NF1: variants seen among roughly 807,000 people sequenced by gnomAD.
NF1 encodes the protein neurofibromin 1.
In NF1, 122 loss-of-function variants were observed where a neutral mutation model predicts 325.7. That is an observed-to-expected ratio of 0.37 (90% CI 0.32 to 0.44). The LOEUF (loss-of-function observed/expected upper bound fraction) is 0.44, where lower values mean the gene tolerates loss of function less well. NF1 is among the 20% of genes least tolerant of loss of function. The pLI is 1.00. For missense variants in NF1, 2,140 were observed against 3,415.4 expected (o/e 0.63, Z 9.31); for synonymous variants, 1,091 against 1,186.0 (o/e 0.92, Z 1.65).
At chr17:31,340,225 A>G (rs1267068732) in intron 46 of NF1, 1 of 446,790 alleles carries the variant, frequency 2.2e-6, no homozygotes, top group Non-Finnish European at 4.1e-6. Flanking sequence ...TACAAAAGAG[A>G]CTACTCTAGA....
intron 57 of NF1, chr17:31,367,343 T>A: frequency 9.2e-7 from 1 of 1,081,890 alleles, no homozygotes; most frequent in South Asian, 1.3e-5. Context: ...CCTGGGCACA[T>A]AGCATGAGAC....
chr17:31,295,003 A>G (rs1442793878), intron 36 of NF1: 3 of 1,613,966 alleles, frequency 1.9e-6, no homozygotes, highest in African/African-American at 2.7e-5. Flanking sequence ...CAGAAAATGC[A>G]GACCCTCAGA....
At chr17:31,292,442 G>A (rs2068362124) in intron 36 of NF1, among the ~76,000 whole-genome samples, 1 of 152,100 alleles carries the variant, frequency 6.6e-6, no homozygotes, top group Non-Finnish European at 1.5e-5. Context: ...GTATATCTGG[G>A]GGATTGGTTA....
At chr17:31,318,242 T>C (rs1051197422) in intron 36 of NF1, 30 of 1,532,554 alleles carry the variant, frequency 2.0e-5, no homozygotes, top group African/African-American at 2.8e-5. Context: ...TGGGATTAAA[T>C]ACCAACTGAC....
chr17:31,168,859 A>G (rs910474037), intron 4 of NF1, among the ~76,000 whole-genome samples: 124 of 152,214 alleles, frequency 8.1e-4, no homozygotes, highest in African/African-American at 2.8e-3. Context: ...TGGGGGCTGC[A>G]AAATGAAACG....
chr17:31,362,279 T>G (rs2070418054), intron 57 of NF1: 32 of 985,260 alleles, frequency 3.2e-5, no homozygotes, highest in Non-Finnish European at 3.6e-5. Context: ...AAATTTACTT[T>G]TTTTACAGAT....
At chr17:31,298,818 A>G (rs1188920387) in intron 36 of NF1, among the ~76,000 whole-genome samples, 1 of 152,108 alleles carries the variant, frequency 6.6e-6, no homozygotes, top group Non-Finnish European at 1.5e-5. Flanking sequence ...GCTCATATAT[A>G]CACTGCTGCA....
chr17:31,156,256 T>A, intron 2 of NF1, 130 bp downstream of exon 2: 2 of 1,133,126 alleles, frequency 1.8e-6, no homozygotes, highest in Non-Finnish European at 2.6e-6. Context: ...ATTAATCTTA[T>A]TTTGTTTACG....
chr17:31,270,520 G>A (rs1276901957), intron 36 of NF1, among the ~76,000 whole-genome samples: 1 of 152,074 alleles, frequency 6.6e-6, no homozygotes, highest in Non-Finnish European at 1.5e-5. Context: ...TGAGGTGGGA[G>A]GATCACTTGA....
At chr17:31,179,442 A>T (rs939069665) in intron 5 of NF1, among the ~76,000 whole-genome samples, 4 of 152,248 alleles carry the variant, frequency 2.6e-5, no homozygotes, top group Admixed American at 1.3e-4. Context: ...TAACATCACA[A>T]TTAAAAGAAC....
intron 57 of NF1, among the ~76,000 whole-genome samples, chr17:31,367,440 A>ACAGGAATTGCACGC (rs1195732662): frequency 6.6e-6 from 1 of 152,170 alleles, no homozygotes; most frequent in East Asian, 1.9e-4. Context: ...TTGGTACTTA[A>ACAGGAATTGCACGC]CAGGAATTGC....
rs372169109 is a variant in NF1 at position 31,337,526 on chromosome 17, A to G, written c.6586A>G (p.Thr2196Ala). ...CTCTCCTGGCTCCTATGAGAGAGAGACTTTTGCTTTGACATCCTTGGAAAC... is the reference window on the plus strand; with the variant it reads ...CTCTCCTGGCTCCTATGAGAGAGAGGCTTTTGCTTTGACATCCTTGGAAAC... Reference protein sequence around the residue: ...SFSPGSYERETFALTSLETVT... With the variant: ...SFSPGSYEREAFALTSLETVT... Residue 2196 changes from threonine (T) to alanine (A), a missense_variant, in exon 43 of 58, where the codon ACT (threonine) becomes GCT (alanine). By Grantham distance (58) the Thr-to-Ala change is moderately conservative. Coordinates refer to ENST00000358273, the MANE Select transcript of NF1 (RefSeq NM_001042492.3). 14 of 1,614,106 alleles carry G rather than the reference A, an allele frequency of 8.7e-6. No individual in the cohort carries two copies. Among genetic ancestry groups the G allele is most frequent in the Non-Finnish European group, 1.2e-5 (14 of 1,179,990 alleles).
intron 36 of NF1, chr17:31,305,663 G>A: frequency 6.5e-7 from 1 of 1,541,442 alleles, no homozygotes; most frequent in Non-Finnish European, 8.7e-7. Flanking sequence ...GAGAAAGACA[G>A]TTAGGCGTCA....
chr17:31,134,596 C>G (rs1488247897), intron 1 of NF1, among the ~76,000 whole-genome samples: 1 of 152,214 alleles, frequency 6.6e-6, no homozygotes, highest in Non-Finnish European at 1.5e-5. Flanking sequence ...GGCTCAGAGT[C>G]TTTCATGAAG....
At chr17:31,174,317 T>C (rs1442907987) in intron 5 of NF1, among the ~76,000 whole-genome samples, 2 of 152,236 alleles carry the variant, frequency 1.3e-5, no homozygotes, top group Non-Finnish European at 2.9e-5. Flanking sequence ...AACATACTTT[T>C]ATGATGACAA....
intron 36 of NF1, among the ~76,000 whole-genome samples, chr17:31,269,384 G>T (rs1007967536): frequency 4.6e-5 from 7 of 152,118 alleles, no homozygotes; most frequent in African/African-American, 1.7e-4. Context: ...TTGCAACATT[G>T]TTTATATAGT....
chr17:31,325,013 T>A (rs1431364346), intron 36 of NF1, among the ~76,000 whole-genome samples: 1 of 152,264 alleles, frequency 6.6e-6, no homozygotes, highest in African/African-American at 2.4e-5. Flanking sequence ...GTACCATTAC[T>A]TCAGGGCTTT....
At position 31,338,049 on chromosome 17, in the gene NF1, C is replaced by G. The variant is rs1337738132; in HGVS notation, c.6729C>G (p.Ser2243=). 1.9e-6 allele frequency: 3 copies of G among 1,613,458 alleles called. No individual in the cohort carries two copies. Among genetic ancestry groups the G allele is most frequent in the Non-Finnish European group, 2.5e-6 (3 of 1,179,676 alleles). ...AQRFAFQYNP[S]LQPRALVVFG... The stretch of plus-strand genomic sequence containing the variant: ...GATTTGCATTCCAATATAATCCATC[C>G]CTGCAACCAAGAGCTCTTGTTGTCT... The change falls in exon 45 of 58, where the codon TCC becomes TCG. Residue 2243 remains serine (S), a synonymous_variant. Transcript: ENST00000358273.
At chr17:31,341,168 A>T (rs1052361175) in intron 47 of NF1, among the ~76,000 whole-genome samples, 2 of 152,182 alleles carry the variant, frequency 1.3e-5, no homozygotes, top group African/African-American at 4.8e-5. Flanking sequence ...TGGAGAGTCT[A>T]AAGGAAACTT....
Sources: gnomAD v4.1 joint callset for allele counts (sites outside exome capture counted in the v4.1 genomes callset) on GRCh38, gnomAD v4.1.1 for gene constraint, MANE v1.5 for transcripts, NCBI Gene and HGNC (gene_info 2026-07-23, HGNC 2026-07-21) for gene names.